ANKFY1: variants seen among roughly 807,000 people sequenced by gnomAD.
The protein encoded by ANKFY1 is ankyrin repeat and FYVE domain-containing protein 1.
A neutral mutation model predicts 128.3 loss-of-function variants in ANKFY1; 47 were observed. That is an observed-to-expected ratio of 0.37 (90% CI 0.29 to 0.47). ANKFY1 has a LOEUF of 0.47. ANKFY1 is among the 20% of genes least tolerant of loss of function. The pLI, the probability that ANKFY1 is intolerant of heterozygous loss-of-function variation, is 1.00. For synonymous variants in ANKFY1, 553 were observed against 601.6 expected (o/e 0.92, Z 1.18); for missense variants, 1,222 against 1,510.6 (o/e 0.81, Z 3.17).
chr17:4,179,669 T>G, intron 17 of ANKFY1, 52 bp downstream of exon 17: 1 of 1,596,852 alleles, frequency 6.3e-7, no homozygotes, highest in Middle Eastern at 1.7e-4. Flanking sequence ...AGGAGGAGGC[T>G]TCCCTCATGC....
At chr17:4,179,505 GAGAA>G in intron 17 of ANKFY1, 10 of 617,170 alleles carry the variant, frequency 1.6e-5, no homozygotes, top group Non-Finnish European at 2.7e-5. Flanking sequence ...AGGAGGCAAA[GAGAA>G]AGAGCTGAAA....
At chr17:4,257,555 G>A (rs1257377429) in intron 1 of ANKFY1, among the ~76,000 whole-genome samples, 3 of 151,982 alleles carry the variant, frequency 2.0e-5, no homozygotes, top group African/African-American at 7.3e-5. Flanking sequence ...ATTTTTCAAA[G>A]CTCAGTTCAA....
chr17:4,218,852 G>A (rs556195643), intron 3 of ANKFY1, among the ~76,000 whole-genome samples: 9 of 152,254 alleles, frequency 5.9e-5, no homozygotes, highest in Non-Finnish European at 8.8e-5. Context: ...ACTCCAGCAT[G>A]GGTGGCAGAG....
rs78681823 is a variant in ANKFY1 at position 4,189,263 on chromosome 17, T to C, written c.1470+119A>G. On this transcript the variant is annotated intron_variant, in intron 11 of 24. Transcript: ENST00000341657. Reference sequence around the variant, plus strand: ...CACTCTGGCTTTTTAACCATATGCATGTATTATTCTGATTAAAAACTGAAA... The same window carrying C: ...CACTCTGGCTTTTTAACCATATGCACGTATTATTCTGATTAAAAACTGAAA... 1,102 of 716,886 alleles carry C rather than the reference T, an allele frequency of 1.5e-3. 6 individuals carry two copies. The African/African-American group carries it at 0.018, about 12-fold the overall frequency. The allele number at this position is 716,886 out of a possible 1,614,324, so 44.4% of individuals were successfully genotyped here. A position where few individuals can be genotyped will look rare whatever the true frequency, so the allele number is the denominator to read the frequency against.
chr17:4,210,701 T>C (rs1171756017), intron 4 of ANKFY1, among the ~76,000 whole-genome samples: 4 of 55,232 alleles, frequency 7.2e-5, no homozygotes, highest in East Asian at 5.8e-4. Context: ...AAGGCAAAAC[T>C]CTGTCGCAAA....
chr17:4,209,806 A>G lies in ANKFY1; in HGVS notation c.582+18T>C, dbSNP rs755280488. ...CTGCCAGCTAGAGTGCTTTGTTGAC[A>G]CCCTCAACCTCACTCACCCAATGAC... On this transcript the variant is annotated intron_variant, in intron 5 of 24. Coordinates refer to ENST00000341657, the MANE Select transcript of ANKFY1 (RefSeq NM_001330063.2). 3.3e-5 allele frequency: 52 copies of G among 1,592,466 alleles called. No individual in the cohort carries two copies. Among genetic ancestry groups the G allele is most frequent in the Non-Finnish European group, 4.3e-5 (50 of 1,162,250 alleles).
chr17:4,212,258 T>C (rs2060146527), intron 4 of ANKFY1, among the ~76,000 whole-genome samples: 1 of 152,194 alleles, frequency 6.6e-6, no homozygotes, highest in Non-Finnish European at 1.5e-5. Flanking sequence ...ACCAAAACTC[T>C]TTTCTAACCA....
chr17:4,254,584 T>A (rs1968016669), intron 1 of ANKFY1, among the ~76,000 whole-genome samples: 1 of 152,204 alleles, frequency 6.6e-6, no homozygotes, highest in African/African-American at 2.4e-5. Flanking sequence ...TCATCCAGAA[T>A]CATAAGAACA....
chr17:4,250,805 C>A (rs1363654536), intron 1 of ANKFY1, among the ~76,000 whole-genome samples: 1 of 152,152 alleles, frequency 6.6e-6, no homozygotes. Context: ...CCACATCTGG[C>A]CAATTTTTTT....
rs2059191276 is a variant in ANKFY1, at chr17:4,165,245, T to C, written c.*2534A>G. On this transcript the variant is annotated 3_prime_UTR_variant, in exon 25 of 25. Coordinates refer to ENST00000341657, the MANE Select transcript of ANKFY1 (RefSeq NM_001330063.2). ...AAATCTGGCGATGAGCAAAGGGCAG[T>C]TGAGAGCACATTCAGCATAACAATG... is the stretch of plus-strand genomic sequence containing the variant. 2 of 152,214 alleles carry C rather than the reference T, an allele frequency of 1.3e-5. No individual in the cohort carries two copies. Among genetic ancestry groups the C allele is most frequent in the South Asian group, 2.1e-4 (1 of 4,832 alleles). 9.4% of individuals were successfully genotyped at this position (152,214 alleles called of 1,614,324 possible).
intron 4 of ANKFY1, among the ~76,000 whole-genome samples, chr17:4,211,826 C>T (rs1261170470): frequency 1.3e-5 from 2 of 151,742 alleles, no homozygotes; most frequent in Non-Finnish European, 2.9e-5. Context: ...TTCAAGGCTG[C>T]GGTGAACCGT....
At chr17:4,193,801 C>A (rs2059762467) in intron 10 of ANKFY1, among the ~76,000 whole-genome samples, 1 of 151,138 alleles carries the variant, frequency 6.6e-6, no homozygotes, top group Non-Finnish European at 1.5e-5. Context: ...GCTCTGTTGC[C>A]CAGGCTGGAG....
intron 11 of ANKFY1, chr17:4,186,793 C>G (rs1417757979): frequency 1.0e-6 from 1 of 987,622 alleles, no homozygotes; most frequent in South Asian, 4.7e-5. Context: ...CTGATCTACT[C>G]CACGGCTTCT....
At chr17:4,212,312 A>G (rs2060147557) in intron 4 of ANKFY1, among the ~76,000 whole-genome samples, 1 of 152,230 alleles carries the variant, frequency 6.6e-6, no homozygotes, top group South Asian at 2.1e-4. Flanking sequence ...ACAATGAGGT[A>G]AAAAAGACCT....
chr17:4,243,197 G>A (rs552005170), intron 1 of ANKFY1, among the ~76,000 whole-genome samples: 1 of 152,140 alleles, frequency 6.6e-6, no homozygotes, highest in East Asian at 1.9e-4. Flanking sequence ...CTCCTGAGTA[G>A]CTGGGACTAC....
chr17:4,180,717 T>C lies in ANKFY1; in HGVS notation c.2240+537A>G, dbSNP rs115414218. 8.3e-3 allele frequency among the ~76,000 whole-genome samples: 1,066 copies of C among 128,400 alleles called. 14 individuals carry two copies. The highest frequency in any genetic ancestry group is 0.03 in the African/African-American group (1,017 of 33,456). 84.2% of individuals were successfully genotyped at this position (128,400 alleles called of 152,430 possible). On this transcript the variant is annotated intron_variant, in intron 16 of 24. Coordinates refer to ENST00000341657, the MANE Select transcript of ANKFY1 (RefSeq NM_001330063.2). ...GTTTGCAGTGAGCCAACCAAGATGG[T>C]GCCACTGCACTCTAGCCTGGGTGAG...
At chr17:4,228,509 C>A (rs2143199329) in intron 3 of ANKFY1, among the ~76,000 whole-genome samples, 1 of 152,090 alleles carries the variant, frequency 6.6e-6, no homozygotes, top group South Asian at 2.1e-4. Flanking sequence ...CTCTGCCTCC[C>A]AGGTTCAAGC....
Position 4,195,385 on chromosome 17 carries a change from G to A in ANKFY1, c.1172+18C>T. 2 of 1,611,268 alleles carry A rather than the reference G, an allele frequency of 1.2e-6. No individual in the cohort carries two copies. The highest frequency in any genetic ancestry group is 1.7e-6 in the Non-Finnish European group (2 of 1,178,594). The stretch of plus-strand genomic sequence containing the variant: ...CCCTCACAACCGCCTTCTCACTTGT[G>A]CGTGTCTCCCTACGTACTGTTTGCA... On this transcript the variant is annotated intron_variant, in intron 9 of 24. Coordinates refer to ENST00000341657, the MANE Select transcript of ANKFY1 (RefSeq NM_001330063.2).
chr17:4,256,812 C>T (rs879588778), intron 1 of ANKFY1, among the ~76,000 whole-genome samples: 1 of 152,172 alleles, frequency 6.6e-6, no homozygotes, highest in South Asian at 2.1e-4. Flanking sequence ...TACGTTTTTC[C>T]TGAATGCAAT....
Sources: gnomAD v4.1 joint callset for allele counts (sites outside exome capture counted in the v4.1 genomes callset) on GRCh38, gnomAD v4.1.1 for gene constraint, MANE v1.5 for transcripts, NCBI Gene and HGNC (gene_info 2026-07-23, HGNC 2026-07-21) for gene names.